Variants in DAB1 observed in about 807,000 individuals in gnomAD.
DAB1 encodes the protein disabled homolog 1.
A neutral mutation model predicts 64.6 loss-of-function variants in DAB1; 15 were observed. That is an observed-to-expected ratio of 0.23 (90% CI 0.16 to 0.36). The LOEUF is 0.36. DAB1 is among the 10% of genes least tolerant of loss of function. The probability of loss-of-function intolerance (pLI) is 1.00; values close to 1 mark genes in which losing one functional copy is unlikely to be tolerated. For synonymous variants in DAB1, 235 were observed against 251.9 expected, an observed-to-expected ratio of 0.93 and a Z score of 0.64; for missense variants, 596 against 706.7, an observed-to-expected ratio of 0.84 and a Z score of 1.78.
At chr1:57,007,953 A>G (rs1302039234) in intron 14 of DAB1, among the ~76,000 whole-genome samples, 2 of 152,242 alleles carry the variant, frequency 1.3e-5, no homozygotes, top group Admixed American at 1.3e-4. Context: ...GGAGGGACCC[A>G]GAATGGCTCT....
chr1:57,706,989 G>C (rs762979297), intron 6 of DAB1, among the ~76,000 whole-genome samples: 1 of 151,978 alleles, frequency 6.6e-6, no homozygotes, highest in African/African-American at 2.4e-5. Flanking sequence ...CTGGAGAATC[G>C]CTTGAACCCG....
chr1:58,297,987 G>C (rs1662031552), intron 4 of DAB1, among the ~76,000 whole-genome samples: 1 of 152,134 alleles, frequency 6.6e-6, no homozygotes, highest in African/African-American at 2.4e-5. Flanking sequence ...AGATCAACCA[G>C]ATGACCCTAA....
chr1:57,851,586 C>T (rs1000735342), intron 1 of DAB1, among the ~76,000 whole-genome samples: 4 of 152,182 alleles, frequency 2.6e-5, no homozygotes, highest in African/African-American at 7.2e-5. Flanking sequence ...TTCCACATCT[C>T]CTTCCCTACT....
chr1:57,522,965 AG>A (rs1644547152), intron 7 of DAB1, among the ~76,000 whole-genome samples: 1 of 152,170 alleles, frequency 6.6e-6, no homozygotes, highest in African/African-American at 2.4e-5. Context: ...AGGGGCTTGT[AG>A]GCCTTTGGCC....
chr1:57,507,840 T>G (rs971158203), intron 7 of DAB1, among the ~76,000 whole-genome samples: 1 of 152,214 alleles, frequency 6.6e-6, no homozygotes, highest in Non-Finnish European at 1.5e-5. Context: ...TCCTTTTCCC[T>G]GCCTCCTACC....
intron 7 of DAB1, among the ~76,000 whole-genome samples, chr1:57,570,947 T>G (rs905577355): frequency 6.6e-6 from 1 of 152,164 alleles, no homozygotes; most frequent in Non-Finnish European, 1.5e-5. Flanking sequence ...GTATTTTATC[T>G]GTTAATTGTT....
At position 57,810,329 on chromosome 1, in the gene DAB1, G is replaced by A. The variant is rs189331275; in HGVS notation, n.551+73670C>T. On this transcript the variant is annotated intron_variant and non_coding_transcript_variant, in intron 6 of 20. Coordinates refer to the DAB1 transcript ENST00000485760. ...GAGGAGGATGGCACAGGGTGATGGAGGGAGAGAAGAGGAAGACTTTTCTAT... is the reference window on the plus strand; with the variant it reads ...GAGGAGGATGGCACAGGGTGATGGAAGGAGAGAAGAGGAAGACTTTTCTAT... 1.3e-3 allele frequency among the ~76,000 whole-genome samples: 205 copies of A among 152,272 alleles called. 1 individual carries two copies. The highest frequency in any genetic ancestry group is 4.8e-3 in the African/African-American group (198 of 41,546).
chr1:57,031,339 T>C (rs931081507), intron 9 of DAB1, among the ~76,000 whole-genome samples: 8 of 152,204 alleles, frequency 5.3e-5, no homozygotes, highest in African/African-American at 1.7e-4. Context: ...GTCCTTTTAT[T>C]TGTAAGCTAA....
At chr1:57,039,635 C>G (rs1410782408) in intron 9 of DAB1, among the ~76,000 whole-genome samples, 2 of 152,264 alleles carry the variant, frequency 1.3e-5, no homozygotes, top group East Asian at 3.9e-4. Context: ...TTTCTCCTTC[C>G]CACTCTTCTT....
chr1:57,188,144 G>C (rs770814373), intron 2 of DAB1, among the ~76,000 whole-genome samples: 20 of 152,098 alleles, frequency 1.3e-4, no homozygotes, highest in Non-Finnish European at 2.8e-4. Context: ...TTTCTTTCTC[G>C]AGTCACTGAT....
chr1:57,556,846 T>G (rs1402906393), intron 7 of DAB1, among the ~76,000 whole-genome samples: 1 of 152,252 alleles, frequency 6.6e-6, no homozygotes, highest in East Asian at 1.9e-4. Flanking sequence ...TTGAAGTCTT[T>G]GCCTAAGCCA....
chr1:57,699,129 C>G (rs758630876), intron 6 of DAB1, among the ~76,000 whole-genome samples: 1 of 151,984 alleles, frequency 6.6e-6, no homozygotes, highest in Non-Finnish European at 1.5e-5. Flanking sequence ...TTAGTAGACA[C>G]GGGGTATCAC....
intron 1 of DAB1, among the ~76,000 whole-genome samples, chr1:57,382,201 C>A (rs1481037642): frequency 6.6e-6 from 1 of 152,150 alleles, no homozygotes; most frequent in African/African-American, 2.4e-5. Context: ...CACACTCTCA[C>A]CCAACAGCAA....
At chr1:57,032,912 C>T (rs1470841816) in intron 9 of DAB1, among the ~76,000 whole-genome samples, 1 of 152,168 alleles carries the variant, frequency 6.6e-6, no homozygotes, top group Non-Finnish European at 1.5e-5. Context: ...CAGTGGTGTA[C>T]TTGGCACGTC....
At chr1:58,304,928 A>G (rs1027476524) in intron 4 of DAB1, among the ~76,000 whole-genome samples, 9 of 152,140 alleles carry the variant, frequency 5.9e-5, no homozygotes, top group Non-Finnish European at 1.3e-4. Flanking sequence ...TTGGACACAA[A>G]TGTTTTTATA....
intron 5 of DAB1, among the ~76,000 whole-genome samples, chr1:58,142,829 C>T (rs1393747138): frequency 1.3e-5 from 2 of 152,220 alleles, no homozygotes. Context: ...GCAGCCAGAG[C>T]CTTTTCTTTA....
chr1:58,379,252 C>T (rs1177594001), intron 3 of DAB1, among the ~76,000 whole-genome samples: 1 of 152,202 alleles, frequency 6.6e-6, no homozygotes, highest in Non-Finnish European at 1.5e-5. Flanking sequence ...TTGGAAGTAG[C>T]AGTCAGTGAT....
chr1:58,484,020 A>C (rs1645533343), intron 3 of DAB1, among the ~76,000 whole-genome samples: 2 of 152,216 alleles, frequency 1.3e-5, no homozygotes, highest in African/African-American at 4.8e-5. Context: ...AGAGAGGAAT[A>C]GGATGCCATC....
At chr1:57,810,809 A>G (rs2101884224) in intron 6 of DAB1, among the ~76,000 whole-genome samples, 1 of 152,366 alleles carries the variant, frequency 6.6e-6, no homozygotes, top group Admixed American at 6.5e-5. Flanking sequence ...TGCTGCTATA[A>G]CAAATTATCA....
Sources: allele counts gnomAD v4.1 joint callset (sites outside exome capture counted in the v4.1 genomes callset), GRCh38; gene constraint gnomAD v4.1.1; transcripts MANE v1.5; gene names NCBI Gene and HGNC (gene_info 2026-07-23, HGNC 2026-07-21).